Variants in PAN3 observed in about 807,000 individuals in gnomAD.
PAN3 encodes the protein PAN2-PAN3 deadenylation complex subunit PAN3.
PAN3 carries 19 observed loss-of-function variants against 96.2 expected under a neutral mutation model. The observed-to-expected ratio is 0.20, with a 90% CI of 0.14 to 0.29. The LOEUF is 0.29. Ranked by LOEUF, PAN3 falls within the 10% of genes least tolerant of loss-of-function variation. PAN3 has a pLI of 1.00. For synonymous variants in PAN3, 433 were observed against 406.6 expected (o/e 1.06, Z -0.78); for missense variants, 882 against 1,108.1 (o/e 0.80, Z 2.90).
intron 1 of PAN3, among the ~76,000 whole-genome samples, chr13:28,140,639 C>A (rs1869625324): frequency 2.0e-5 from 3 of 152,262 alleles, no homozygotes; most frequent in African/African-American, 7.2e-5. Context: ...GCCTGGGCCT[C>A]CCAAAGTGCT....
chr13:28,250,201 C>CTTT (rs532825277), intron 6 of PAN3, among the ~76,000 whole-genome samples: 2,755 of 143,006 alleles, frequency 0.019, 77 homozygotes, highest in African/African-American at 0.066. Flanking sequence ...GCTCAGAACT[C>CTTT]TTTTTTTTTT....
chr13:28,179,284 A>G (rs1258492440), intron 4 of PAN3, among the ~76,000 whole-genome samples: 1 of 152,264 alleles, frequency 6.6e-6, no homozygotes, highest in Non-Finnish European at 1.5e-5. Flanking sequence ...AAAGCCTAAC[A>G]ATGTGGAAGC....
intron 18 of PAN3, among the ~76,000 whole-genome samples, chr13:28,289,705 C>T (rs1025471824): frequency 6.6e-6 from 1 of 152,050 alleles, no homozygotes; most frequent in Non-Finnish European, 1.5e-5. Context: ...CACGGTGAAA[C>T]CCCGTCCCTA....
intron 5 of PAN3, chr13:28,215,037 A>G: frequency 8.7e-7 from 1 of 1,152,278 alleles, no homozygotes; most frequent in Non-Finnish European, 1.3e-6. Flanking sequence ...TAAGGAAGTC[A>G]GCACTTATAT....
In PAN3 at chr13:28,270,830, T is replaced by C. The variant is rs141264044; in HGVS notation, c.1922T>C (p.Met641Thr). The change falls in exon 13 of 19, where the codon ATG becomes ACG. Residue 641 changes from methionine (M) to threonine (T), a missense_variant. By Grantham distance (81) the Met-to-Thr change is moderately conservative (BLOSUM62 -1). Coordinates refer to ENST00000380958, the MANE Select transcript of PAN3 (RefSeq NM_175854.8). ...IHTAGLACRVMDPTKILITGK... is the reference protein window; with the variant it reads ...IHTAGLACRVTDPTKILITGK... ...ACAGCAGGTTTGGCATGTCGAGTTA[T>C]GGATCCAACAAAGATTCTGATAACT... The C allele has an allele frequency of 1.4e-3, 2,285 of 1,613,956 alleles. 1 individual carries two copies. The highest frequency in any genetic ancestry group is 1.8e-3 in the Non-Finnish European group (2,160 of 1,179,848).
intron 6 of PAN3, among the ~76,000 whole-genome samples, chr13:28,248,906 T>C: frequency 6.6e-6 from 1 of 152,204 alleles, no homozygotes; most frequent in East Asian, 1.9e-4. Context: ...TTTGTTGTTT[T>C]TATCATAAAG....
At position 28,215,275 on chromosome 13, in the gene PAN3, A is replaced by G. The variant is rs563166635; in HGVS notation, c.853-4956A>G. On this transcript the variant is annotated intron_variant, in intron 5 of 18. Transcript: ENST00000380958. The stretch of plus-strand genomic sequence containing the variant: ...TTGCACCAGCCTCTCCAGGGTGTCT[A>G]CAAAATTGGTGGTATTGGTACTGTG... 25 of 708,644 alleles carry G rather than the reference A, an allele frequency of 3.5e-5. No individual in the cohort carries two copies. The East Asian group carries it at 5.0e-4, about 14-fold the overall frequency. The allele number at this position is 708,644 out of a possible 1,614,324, so 43.9% of individuals were successfully genotyped here. A position where few individuals can be genotyped will look rare whatever the true frequency, so the allele number is the denominator to read the frequency against.
chr13:28,239,981 A>G (rs1184392209), intron 6 of PAN3: 1 of 160,220 alleles, frequency 6.2e-6, no homozygotes. Flanking sequence ...ATATGAGGTT[A>G]TAAACATTTC....
Position 28,197,199 on chromosome 13 carries a change from C to A in PAN3, c.705C>A (p.Arg235=), listed in dbSNP as rs1878155228. The stretch of plus-strand genomic sequence containing the variant: ...CTTTTTCCTAGCCAAGGAAGTATCG[C>A]CTGGGGATGCTGGAGGAGAGGCTAG... ...ISQRRKPRKY[R]LGMLEERLVP... Residue 235 remains arginine, a synonymous_variant, in exon 5 of 19, where the codon CGC becomes CGA. Coordinates refer to ENST00000380958, the MANE Select transcript of PAN3 (RefSeq NM_175854.8). 3.1e-6 allele frequency: 5 copies of A among 1,612,668 alleles called. No individual in the cohort carries two copies. In the East Asian group the frequency reaches 1.1e-4, roughly 36 times the overall value.
intron 1 of PAN3, among the ~76,000 whole-genome samples, chr13:28,163,639 C>G (rs75609510): frequency 6.4e-4 from 97 of 152,242 alleles, no homozygotes; most frequent in African/African-American, 2.3e-3. Flanking sequence ...TTTTCTTTCT[C>G]ATCATACCTG....
intron 5 of PAN3, chr13:28,215,677 G>A (rs554566624): frequency 1.4e-6 from 2 of 1,476,378 alleles, no homozygotes; most frequent in Non-Finnish European, 1.8e-6. Context: ...CTGGAAGATG[G>A]CCCTAAATTC....
chr13:28,209,214 G>C (rs1251956332), intron 5 of PAN3, among the ~76,000 whole-genome samples: 2 of 152,080 alleles, frequency 1.3e-5, no homozygotes, highest in Admixed American at 1.3e-4. Flanking sequence ...ACGGAGTGCT[G>C]ACTGTATATA....
intron 17 of PAN3, among the ~76,000 whole-genome samples, chr13:28,282,814 T>C (rs1868453761): frequency 6.6e-6 from 1 of 152,220 alleles, no homozygotes; most frequent in South Asian, 2.1e-4. Flanking sequence ...CCCTTCAGTA[T>C]TATCTGGGAA....
At chr13:28,216,982 C>T (rs1162367571) in intron 5 of PAN3, among the ~76,000 whole-genome samples, 1 of 151,632 alleles carries the variant, frequency 6.6e-6, no homozygotes, top group East Asian at 1.9e-4. Context: ...GGTGCGGTGG[C>T]GGGCGCCTGT....
chr13:28,281,440 G>T, intron 17 of PAN3, 61 bp downstream of exon 17: 1 of 1,367,300 alleles, frequency 7.3e-7, no homozygotes, highest in Non-Finnish European at 1.0e-6. Context: ...TGCATAATAA[G>T]AATAAGTATG....
At chr13:28,157,047 T>C (rs146309486) in intron 1 of PAN3, among the ~76,000 whole-genome samples, 1,516 of 150,568 alleles carry the variant, frequency 0.01, 24 homozygotes, top group African/African-American at 0.035. Flanking sequence ...AAGTAGGCTT[T>C]ACCCCTGAGT....
At chr13:28,276,874 T>C (rs1887103891) in intron 14 of PAN3, among the ~76,000 whole-genome samples, 2 of 152,194 alleles carry the variant, frequency 1.3e-5, no homozygotes, top group Admixed American at 6.5e-5. Context: ...TAGAGAAGAA[T>C]ATTACCTCTA....
rs1870164031 is a variant in PAN3 at position 28,295,078 on chromosome 13, T to C, written c.*2556T>C. On this transcript the variant is annotated 3_prime_UTR_variant, in exon 19 of 19. Coordinates refer to ENST00000380958, the MANE Select transcript of PAN3 (RefSeq NM_175854.8). ...ACAGAAAGGACAACCCTTGAAATCA[T>C]GTAACGTTGGTCATTTCAATATTTT... The C allele has an allele frequency of 6.6e-6, 1 of 152,264 alleles. No individual in the cohort carries two copies. The highest frequency in any genetic ancestry group is 1.9e-4 in the East Asian group (1 of 5,204). 9.4% of individuals were successfully genotyped at this position (152,264 alleles called of 1,614,324 possible).
rs1458976846 is a variant in PAN3, at chr13:28,294,392, ATATTG to A, written c.*1875_*1879del. On this transcript the variant is annotated 3_prime_UTR_variant, in exon 19 of 19. Coordinates refer to ENST00000380958, the MANE Select transcript of PAN3 (RefSeq NM_175854.8). ...CTTTTTATATGTTTTTTGACAAATC[ATATTG>A]TATTCTTTTGTACAAAAAAGAACTA... The A allele has an allele frequency of 6.6e-6, 1 of 152,620 alleles. No individual in the cohort carries two copies. Among genetic ancestry groups the A allele is most frequent in the Non-Finnish European group, 1.5e-5 (1 of 68,020 alleles). 9.5% of individuals were successfully genotyped at this position (152,620 alleles called of 1,614,324 possible).
Sources: gnomAD v4.1 joint callset for allele counts (sites outside exome capture counted in the v4.1 genomes callset) on GRCh38, gnomAD v4.1.1 for gene constraint, MANE v1.5 for transcripts, NCBI Gene and HGNC (gene_info 2026-07-23, HGNC 2026-07-21) for gene names.